The following CCNY variants were observed in gnomAD, a reference collection of about 807,000 sequenced individuals.
CCNY encodes the protein cyclin Y, also known as cyclin-Y.
In CCNY, 19 loss-of-function variants were observed where a neutral mutation model predicts 42.8. The ratio of observed to expected loss-of-function variants is 0.44; its 90% confidence interval spans 0.31 to 0.65. The LOEUF (loss-of-function observed/expected upper bound fraction) is 0.65, where lower values mean the gene tolerates loss of function less well. Ranked by LOEUF, CCNY falls within the 30% of genes least tolerant of loss-of-function variation. CCNY has a pLI of 0.07. For synonymous variants in CCNY, 165 were observed against 162.7 expected, an observed-to-expected ratio of 1.01 and a Z score of -0.11; for missense variants, 370 against 437.3, an observed-to-expected ratio of 0.85 and a Z score of 1.37.
In CCNY at chr10:35,390,132, A is replaced by G. The variant is rs75010214; in HGVS notation, c.154+52925A>G. 7.1e-3 allele frequency among the ~76,000 whole-genome samples: 1,080 copies of G among 152,370 alleles called. 5 individuals are homozygous for G. The highest frequency in any genetic ancestry group is 9.9e-3 in the Non-Finnish European group (675 of 68,034). ...ACAAAATATGGCATACAAATTAAAT[A>G]AGCACAGTAGCATAATTTGATCTTG... is the stretch of plus-strand genomic sequence containing the variant. On this transcript the variant is annotated intron_variant, in intron 1 of 9. Coordinates refer to ENST00000374704, the MANE Select transcript of CCNY (RefSeq NM_145012.6).
chr10:35,553,821 C>T (rs1841309637), intron 8 of CCNY, among the ~76,000 whole-genome samples: 1 of 152,062 alleles, frequency 6.6e-6, no homozygotes, highest in Non-Finnish European at 1.5e-5. Context: ...TCAGATGGGC[C>T]AGTCTTCAAT....
At chr10:35,442,175 T>G (rs111822879) in intron 1 of CCNY, among the ~76,000 whole-genome samples, 1,969 of 152,276 alleles carry the variant, frequency 0.013, 37 homozygotes, top group African/African-American at 0.044. Flanking sequence ...ACTCCTGATG[T>G]GTAGGGCCCT....
chr10:35,270,929 G>A (rs1310866812), intron 3 of CCNY, among the ~76,000 whole-genome samples: 1 of 151,774 alleles, frequency 6.6e-6, no homozygotes, highest in Non-Finnish European at 1.5e-5. Context: ...GCTTCACCGT[G>A]TTAGCCGGGA....
rs10558250 is a variant in CCNY at position 35,412,860 on chromosome 10, C to CAAAAAA, written c.155-70521_155-70516dup. On this transcript the variant is annotated intron_variant, in intron 1 of 9. Transcript: ENST00000374704. ...TGGGCGACAGAGCGAGACTCTGTCT[C>CAAAAAA]AAAAAAAAAAAAAAAAAAAAAAAAA... Among the ~76,000 whole-genome samples the CAAAAAA allele has an allele frequency of 6.0e-4, 21 of 34,764 alleles. 1 individual carries two copies. Among genetic ancestry groups the CAAAAAA allele is most frequent in the African/African-American group, 1.3e-3 (13 of 9,896 alleles). 22.8% of individuals were successfully genotyped at this position (34,764 alleles called of 152,430 possible).
chr10:35,396,289 T>C (rs1175469530), intron 1 of CCNY, among the ~76,000 whole-genome samples: 1 of 152,104 alleles, frequency 6.6e-6, no homozygotes, highest in Non-Finnish European at 1.5e-5. Context: ...TCTCAACAGG[T>C]CATTTCATTC....
At chr10:35,568,680 G>A (rs1389568982) in intron 9 of CCNY, among the ~76,000 whole-genome samples, 1 of 152,234 alleles carries the variant, frequency 6.6e-6, no homozygotes, top group Non-Finnish European at 1.5e-5. Flanking sequence ...TGCCAGGATG[G>A]TGCTGTTCTT....
At chr10:35,257,353 G>C (rs1826528363) in intron 3 of CCNY, among the ~76,000 whole-genome samples, 1 of 146,556 alleles carries the variant, frequency 6.8e-6, no homozygotes, top group South Asian at 2.2e-4. Context: ...ATGTTACTCA[G>C]GCTGGTCTCA....
In CCNY at chr10:35,401,513, CTTTTTT is replaced by C. The variant is rs34537954; in HGVS notation, c.154+64313_154+64318del. ...AAATTTCCCAAAGAAATTTTCTTTT[CTTTTTT>C]TTTTTTCTTAGGAGGTACAAGCAAA... On this transcript the variant is annotated intron_variant, in intron 1 of 9. Coordinates refer to ENST00000374704, the MANE Select transcript of CCNY (RefSeq NM_145012.6). Among the ~76,000 whole-genome samples the C allele has an allele frequency of 2.1e-5, 3 of 144,232 alleles. No individual in the cohort carries two copies. In the South Asian group the frequency reaches 6.6e-4, roughly 32 times the overall value. The allele number at this position is 144,232 out of a possible 152,430, so 94.6% of individuals were successfully genotyped here. A position where few individuals can be genotyped will look rare whatever the true frequency, so the allele number is the denominator to read the frequency against.
intron 9 of CCNY, among the ~76,000 whole-genome samples, chr10:35,567,713 A>C (rs1250866409): frequency 6.6e-6 from 1 of 152,218 alleles, no homozygotes; most frequent in East Asian, 1.9e-4. Context: ...ATGTTAAATA[A>C]AAATTTAAAA....
At chr10:35,303,374 T>G (rs1414640704) in intron 3 of CCNY, among the ~76,000 whole-genome samples, 3 of 149,918 alleles carry the variant, frequency 2.0e-5, no homozygotes, top group Non-Finnish European at 4.4e-5. Context: ...GAGACGGGGT[T>G]TCTCCATGTT....
At chr10:35,479,296 C>G (rs1461032435) in intron 1 of CCNY, among the ~76,000 whole-genome samples, 2 of 151,528 alleles carry the variant, frequency 1.3e-5, no homozygotes, top group African/African-American at 4.9e-5. Flanking sequence ...GCTATAAAGG[C>G]ACATGCACAC....
At chr10:35,507,792 GTTTT>G (rs59237920) in intron 3 of CCNY, among the ~76,000 whole-genome samples, 1 of 143,424 alleles carries the variant, frequency 7.0e-6, no homozygotes. Context: ...TACAGGGCCA[GTTTT>G]TTTTTTTTTT....
chr10:35,558,004 A>G (rs1841394034), intron 8 of CCNY, among the ~76,000 whole-genome samples: 1 of 152,182 alleles, frequency 6.6e-6, no homozygotes, highest in Non-Finnish European at 1.5e-5. Flanking sequence ...TAGTAGTGTC[A>G]CTCAAGTCTT....
At chr10:35,516,395 A>G (rs1172232316) in intron 3 of CCNY, 128 bp from the exon 4 acceptor site, 2 of 687,184 alleles carry the variant, frequency 2.9e-6, no homozygotes, top group African/African-American at 3.7e-5. Context: ...TCTTGGTGGT[A>G]ATGTTGACAT....
chr10:35,406,665 G>A (rs950265540), intron 1 of CCNY, among the ~76,000 whole-genome samples: 7 of 152,200 alleles, frequency 4.6e-5, no homozygotes, highest in Admixed American at 2.6e-4. Context: ...CGATTTCTCA[G>A]TCTTTTCCCC....
At chr10:35,398,892 G>A (rs1414340170) in intron 1 of CCNY, among the ~76,000 whole-genome samples, 1 of 152,210 alleles carries the variant, frequency 6.6e-6, no homozygotes, top group Non-Finnish European at 1.5e-5. Context: ...CTGAGAACTG[G>A]TGGAGCCTGG....
intron 1 of CCNY, among the ~76,000 whole-genome samples, chr10:35,400,189 T>C (rs1303547886): frequency 2.6e-5 from 4 of 151,974 alleles, no homozygotes; most frequent in East Asian, 3.9e-4. Flanking sequence ...AAGAATTCTT[T>C]TGGATTTTGT....
rs1201753442 is a variant in CCNY at position 35,486,746 on chromosome 10, C to T, written c.229+3268C>T. Reference sequence around the variant, plus strand: ...AACTTCCTCTCTTCTTTGTGTACTTCTGTGCTTCCGCCATACATACTGAAT... The same window carrying T: ...AACTTCCTCTCTTCTTTGTGTACTTTTGTGCTTCCGCCATACATACTGAAT... On this transcript the variant is annotated intron_variant, in intron 2 of 9. Transcript: ENST00000374704. 3.3e-5 allele frequency among the ~76,000 whole-genome samples: 5 copies of T among 152,258 alleles called. No individual in the cohort carries two copies. The East Asian group carries it at 9.6e-4, about 29-fold the overall frequency.
intron 3 of CCNY, among the ~76,000 whole-genome samples, chr10:35,255,049 T>C (rs1280370903): frequency 6.6e-6 from 1 of 151,752 alleles, no homozygotes; most frequent in Non-Finnish European, 1.5e-5. Flanking sequence ...CTGAGAAGAG[T>C]GTGTATCCTG....
Sources: gnomAD v4.1 joint callset for allele counts (sites outside exome capture counted in the v4.1 genomes callset) on GRCh38, gnomAD v4.1.1 for gene constraint, MANE v1.5 for transcripts, NCBI Gene and HGNC (gene_info 2026-07-23, HGNC 2026-07-21) for gene names.